Variants in NRXN1 observed in about 807,000 individuals in gnomAD.
NRXN1 encodes neurexin 1, also known as neurexin-1.
Under a neutral mutation model 150.9 loss-of-function variants are expected in NRXN1, and 39 were observed. The observed-to-expected ratio is 0.26, with a 90% CI of 0.20 to 0.34. The LOEUF (loss-of-function observed/expected upper bound fraction) is 0.34. NRXN1 is among the 10% of genes least tolerant of loss of function. The pLI is 1.00. For missense variants in NRXN1, 1,815 were observed against 1,949.9 expected (o/e 0.93, Z 1.30); for synonymous variants, 924 against 757.0 (o/e 1.22, Z -3.62).
chr2:50,026,860 T>TTTC (rs1688391410), intron 21 of NRXN1, among the ~76,000 whole-genome samples: 5 of 19,482 alleles, frequency 2.6e-4, no homozygotes, highest in Non-Finnish European at 5.2e-4. Context: ...TTTTCTTTTC[T>TTTC]TTTTTTTTTT....
chr2:49,990,831 G>A (rs1006453552), intron 21 of NRXN1, among the ~76,000 whole-genome samples: 2 of 152,098 alleles, frequency 1.3e-5, no homozygotes, highest in Non-Finnish European at 2.9e-5. Context: ...CTATTAGCAA[G>A]CTTCAAAAGT....
intron 9 of NRXN1, 147 bp from the exon 10 acceptor site, chr2:50,538,783 T>C: frequency 1.6e-6 from 1 of 634,800 alleles, no homozygotes; most frequent in Admixed American, 3.9e-5. Context: ...TGGTATTTCC[T>C]AGAGAAATTA....
chr2:50,663,853 TA>T (rs59075821), intron 5 of NRXN1, among the ~76,000 whole-genome samples: 6,613 of 152,112 alleles, frequency 0.043, 479 homozygotes, highest in African/African-American at 0.15. Context: ...GATTTAAGAA[TA>T]TTTTTATTAC....
chr2:50,904,301 T>G (rs1683358431), intron 5 of NRXN1, among the ~76,000 whole-genome samples: 1 of 152,172 alleles, frequency 6.6e-6, no homozygotes, highest in Admixed American at 6.5e-5. Flanking sequence ...AGCTGGTAGC[T>G]TTCACCCTAG....
intron 17 of NRXN1, among the ~76,000 whole-genome samples, chr2:50,264,038 AC>A (rs1316472105): frequency 2.6e-5 from 4 of 152,104 alleles, no homozygotes; most frequent in African/African-American, 9.7e-5. Context: ...GAAGCTTTCA[AC>A]CTGCTATATT....
At chr2:50,636,435 T>C (rs1374326599) in intron 5 of NRXN1, among the ~76,000 whole-genome samples, 5 of 152,168 alleles carry the variant, frequency 3.3e-5, no homozygotes, top group Non-Finnish European at 5.9e-5. Flanking sequence ...TTTCTTTCCA[T>C]TCTAAAACTC....
At chr2:50,349,650 C>T (rs1333588890) in intron 17 of NRXN1, among the ~76,000 whole-genome samples, 5 of 152,174 alleles carry the variant, frequency 3.3e-5, no homozygotes, top group Non-Finnish European at 7.4e-5. Context: ...ACTCATGTTT[C>T]TATCTTTCCT....
chr2:50,239,209 A>G (rs1255683588), intron 17 of NRXN1, among the ~76,000 whole-genome samples: 1 of 151,948 alleles, frequency 6.6e-6, no homozygotes, highest in African/African-American at 2.4e-5. Context: ...TGATAAAAAT[A>G]GGACAAGAAC....
chr2:50,512,262 G>A (rs1385790764), intron 12 of NRXN1, among the ~76,000 whole-genome samples: 2 of 152,104 alleles, frequency 1.3e-5, no homozygotes, highest in African/African-American at 2.4e-5. Flanking sequence ...AGTAGGCAGA[G>A]AGCAGACCAA....
At chr2:50,816,691 T>G (rs1668988952) in intron 5 of NRXN1, among the ~76,000 whole-genome samples, 1 of 152,110 alleles carries the variant, frequency 6.6e-6, no homozygotes, top group South Asian at 2.1e-4. Context: ...ATGTACTTAC[T>G]GCCACTCAGA....
At chr2:50,287,273 A>G (rs1466072170) in intron 17 of NRXN1, among the ~76,000 whole-genome samples, 2 of 152,014 alleles carry the variant, frequency 1.3e-5, no homozygotes, top group Admixed American at 6.6e-5. Flanking sequence ...CTCTTTCTAC[A>G]TTCTTCTTCT....
At chr2:50,631,754 G>C (rs758899089) in intron 5 of NRXN1, among the ~76,000 whole-genome samples, 1 of 151,872 alleles carries the variant, frequency 6.6e-6, no homozygotes, top group African/African-American at 2.4e-5. Context: ...GGACTGACTA[G>C]TCAGTTCTAC....
chr2:50,495,572 A>T (rs1343421989), intron 15 of NRXN1, among the ~76,000 whole-genome samples: 1 of 151,878 alleles, frequency 6.6e-6, no homozygotes, highest in Non-Finnish European at 1.5e-5. Context: ...TGGTTCCCTG[A>T]CTCCAAATCA....
intron 5 of NRXN1, among the ~76,000 whole-genome samples, chr2:50,869,857 TA>T (rs1051669181): frequency 1.3e-5 from 2 of 151,868 alleles, no homozygotes; most frequent in African/African-American, 4.8e-5. Context: ...TTTAAGGCAT[TA>T]AAGTTGAAAG....
At chr2:50,179,981 A>C (rs2060596160) in intron 18 of NRXN1, among the ~76,000 whole-genome samples, 1 of 152,060 alleles carries the variant, frequency 6.6e-6, no homozygotes, top group African/African-American at 2.4e-5. Flanking sequence ...TATTATTTTC[A>C]GTTTAAAGCA....
At chr2:50,622,478 A>G (rs897025390) in intron 6 of NRXN1, among the ~76,000 whole-genome samples, 2 of 152,296 alleles carry the variant, frequency 1.3e-5, no homozygotes, top group Non-Finnish European at 2.9e-5. Flanking sequence ...AACACTTAAC[A>G]AAATGATACA....
intron 5 of NRXN1, among the ~76,000 whole-genome samples, chr2:50,651,491 TG>T (rs1412863866): frequency 8.1e-5 from 12 of 148,730 alleles, no homozygotes. Context: ...TGACATGACA[TG>T]ACATGACATG....
At chr2:51,011,179 T>G (rs1203885472) in intron 2 of NRXN1, among the ~76,000 whole-genome samples, 1 of 152,068 alleles carries the variant, frequency 6.6e-6, no homozygotes, top group Non-Finnish European at 1.5e-5. Flanking sequence ...TTTATACATT[T>G]ACTAGCTATT....
At chr2:50,943,423 T>G (rs1689802525) in intron 2 of NRXN1, among the ~76,000 whole-genome samples, 1 of 152,314 alleles carries the variant, frequency 6.6e-6, no homozygotes, top group Non-Finnish European at 1.5e-5. Context: ...TCCAGAGTGG[T>G]TAAGCTGCTA....
Sources: allele counts gnomAD v4.1 joint callset (sites outside exome capture counted in the v4.1 genomes callset), GRCh38; gene constraint gnomAD v4.1.1; transcripts MANE v1.5; gene names NCBI Gene and HGNC (gene_info 2026-07-23, HGNC 2026-07-21).